SH3D19: variants seen among roughly 807,000 people sequenced by gnomAD.
SH3D19 encodes the protein SH3 domain-containing protein 19.
A neutral mutation model predicts 112.1 loss-of-function variants in SH3D19; 58 were observed. The observed-to-expected ratio is 0.52, with a 90% CI of 0.42 to 0.64. The LOEUF (loss-of-function observed/expected upper bound fraction) is 0.64, where lower values mean the gene tolerates loss of function less well. SH3D19 is among the 30% of genes least tolerant of loss of function. The probability of loss-of-function intolerance (pLI) is 0.00; values close to 1 mark genes in which losing one functional copy is unlikely to be tolerated. For missense variants in SH3D19, 1,090 were observed against 1,263.4 expected (o/e 0.86, Z 2.08); for synonymous variants, 391 against 448.5 (o/e 0.87, Z 1.62).
chr4:151,157,551 A>C (rs1443396441), intron 9 of SH3D19, among the ~76,000 whole-genome samples: 2 of 152,216 alleles, frequency 1.3e-5, no homozygotes, highest in Non-Finnish European at 2.9e-5. Context: ...AAAAACTACA[A>C]ATAGAACTAC....
At chr4:151,224,226 G>A (rs545474382) in intron 2 of SH3D19, among the ~76,000 whole-genome samples, 4 of 152,128 alleles carry the variant, frequency 2.6e-5, no homozygotes, top group South Asian at 2.1e-4. Flanking sequence ...GGAGAATGGC[G>A]TCAATCCAGG....
chr4:151,212,658 C>T (rs1048106190), intron 2 of SH3D19, among the ~76,000 whole-genome samples: 10 of 152,210 alleles, frequency 6.6e-5, no homozygotes, highest in African/African-American at 2.4e-4. Flanking sequence ...CCCAAGAGCT[C>T]TGATGCAGAT....
At chr4:151,238,626 T>C (rs951168103) in intron 1 of SH3D19, among the ~76,000 whole-genome samples, 4 of 152,014 alleles carry the variant, frequency 2.6e-5, no homozygotes, top group African/African-American at 9.7e-5. Flanking sequence ...CTCCCTCTGG[T>C]ATAAGAACAC....
At chr4:151,298,443 T>A (rs192455634) in intron 1 of SH3D19, among the ~76,000 whole-genome samples, 310 of 137,050 alleles carry the variant, frequency 2.3e-3, no homozygotes, top group African/African-American at 7.3e-3. Flanking sequence ...CCCAAAGTGC[T>A]GGAATTACAG....
At chr4:151,302,887 A>G (rs887470868) in intron 1 of SH3D19, among the ~76,000 whole-genome samples, 13 of 151,258 alleles carry the variant, frequency 8.6e-5, no homozygotes, top group African/African-American at 2.9e-4. Context: ...GGAAGGGGGG[A>G]GGGATAGCAT....
chr4:151,144,676 G>C (rs544675419), intron 11 of SH3D19, among the ~76,000 whole-genome samples: 81 of 152,202 alleles, frequency 5.3e-4, no homozygotes, highest in Non-Finnish European at 9.3e-4. Flanking sequence ...AGGCTGATCA[G>C]TGATTGGAGC....
chr4:151,180,975 G>A (rs1241847856), intron 3 of SH3D19, among the ~76,000 whole-genome samples: 22 of 135,006 alleles, frequency 1.6e-4, no homozygotes, highest in Middle Eastern at 4.1e-3. Flanking sequence ...GGGTTTCACC[G>A]TGTTAGCCAG....
At chr4:151,275,562 C>A (rs1185030340) in intron 1 of SH3D19, among the ~76,000 whole-genome samples, 1 of 152,154 alleles carries the variant, frequency 6.6e-6, no homozygotes, top group African/African-American at 2.4e-5. Flanking sequence ...CTTTCCGTCG[C>A]CCAAGCTGGA....
chr4:151,281,509 CCA>C (rs1774234502), intron 1 of SH3D19, among the ~76,000 whole-genome samples: 1 of 151,958 alleles, frequency 6.6e-6, no homozygotes, highest in Non-Finnish European at 1.5e-5. Context: ...TCCTCACCTT[CCA>C]CACTAGGAAC....
In SH3D19 at chr4:151,228,746, G is replaced by A. The variant is rs1375303477; in HGVS notation, c.113-2660C>T. 2.0e-5 allele frequency among the ~76,000 whole-genome samples: 3 copies of A among 152,120 alleles called. No homozygotes were observed. The East Asian group carries it at 5.8e-4, about 29-fold the overall frequency. On this transcript the variant is annotated intron_variant, in intron 1 of 19. Transcript: ENST00000604030. ...GGATGAAAGCCCAAGAATGAGAACA[G>A]ATCTATAGCAAACATGGAAATTTAA...
intron 1 of SH3D19, among the ~76,000 whole-genome samples, chr4:151,289,747 G>A (rs1775144002): frequency 6.6e-6 from 1 of 152,068 alleles, no homozygotes; most frequent in African/African-American, 2.4e-5. Context: ...TCCACTCCTA[G>A]GTATATGACC....
chr4:151,153,403 C>A (rs1579821322), intron 9 of SH3D19, among the ~76,000 whole-genome samples: 1 of 151,894 alleles, frequency 6.6e-6, no homozygotes, highest in Non-Finnish European at 1.5e-5. Flanking sequence ...TGCTCCACCA[C>A]ACCTGGCTAA....
chr4:151,132,211 C>T, intron 17 of SH3D19, 120 bp downstream of exon 17: 1 of 772,392 alleles, frequency 1.3e-6, no homozygotes, highest in South Asian at 1.8e-5. Context: ...TTATTACAAA[C>T]ATTTGTTGTA....
intron 13 of SH3D19, among the ~76,000 whole-genome samples, 184 bp from the exon 14 acceptor site, chr4:151,138,046 C>CT (rs1318046724): frequency 6.6e-6 from 1 of 151,922 alleles, no homozygotes; most frequent in African/African-American, 2.4e-5. Context: ...TATGAGCTCC[C>CT]TTTTTAAAGA....
At chr4:151,216,247 A>G (rs1213162864) in intron 2 of SH3D19, among the ~76,000 whole-genome samples, 1 of 152,252 alleles carries the variant, frequency 6.6e-6, no homozygotes, top group Non-Finnish European at 1.5e-5. Context: ...AGATTTTTCC[A>G]GGAATTAGCT....
intron 1 of SH3D19, among the ~76,000 whole-genome samples, chr4:151,311,299 G>A (rs1288216627): frequency 6.6e-6 from 1 of 151,828 alleles, no homozygotes; most frequent in Non-Finnish European, 1.5e-5. Flanking sequence ...GAGATGCTGA[G>A]AAAGTAGGAT....
At chr4:151,169,580 A>T (rs1758694876) in intron 7 of SH3D19, among the ~76,000 whole-genome samples, 1 of 152,142 alleles carries the variant, frequency 6.6e-6, no homozygotes, top group Non-Finnish European at 1.5e-5. Flanking sequence ...ACGTAAGTTC[A>T]CTTTTTATGT....
At position 151,174,566 on chromosome 4, in the gene SH3D19, C is replaced by T. The variant is rs115971032; in HGVS notation, c.1534+104G>A. The T allele has an allele frequency of 1.3e-3, 1,434 of 1,063,122 alleles. 17 individuals are homozygous for T. In the African/African-American group the frequency reaches 0.02, roughly 15 times the overall value. 65.9% of individuals were successfully genotyped at this position (1,063,122 alleles called of 1,614,324 possible). Reference sequence around the variant, plus strand: ...ACATGCATGTGCACATACTTGTATACACACACCTCAATAACTTATGTACCA... The same window carrying T: ...ACATGCATGTGCACATACTTGTATATACACACCTCAATAACTTATGTACCA... On this transcript the variant is annotated intron_variant, in intron 7 of 19. Transcript: ENST00000604030.
chr4:151,191,611 G>A (rs1354635091), intron 2 of SH3D19, among the ~76,000 whole-genome samples: 1 of 152,118 alleles, frequency 6.6e-6, no homozygotes, highest in Non-Finnish European at 1.5e-5. Flanking sequence ...TATACCCACT[G>A]GGGCAGCATG....
Sources: gnomAD v4.1 joint callset for allele counts (sites outside exome capture counted in the v4.1 genomes callset) on GRCh38, gnomAD v4.1.1 for gene constraint, MANE v1.5 for transcripts, NCBI Gene and HGNC (gene_info 2026-07-23, HGNC 2026-07-21) for gene names.